The following CNTNAP2 variants were observed in gnomAD, a reference collection of about 807,000 sequenced individuals.
CNTNAP2 encodes contactin-associated protein-like 2.
Under a neutral mutation model 155.2 loss-of-function variants are expected in CNTNAP2, and 98 were observed. That is an observed-to-expected ratio of 0.63 (90% CI 0.54 to 0.75). The LOEUF is 0.75. CNTNAP2 is among the 30% of genes least tolerant of loss of function. The pLI is 0.00. For missense variants in CNTNAP2, 1,727 were observed against 1,688.1 expected (o/e 1.02, Z -0.40); for synonymous variants, 651 against 631.2 (o/e 1.03, Z -0.47).
intron 17 of CNTNAP2, among the ~76,000 whole-genome samples, chr7:148,158,506 C>G (rs562886143): frequency 6.6e-6 from 1 of 152,298 alleles, no homozygotes; most frequent in East Asian, 1.9e-4. Context: ...GAGGCATGAG[C>G]CACCAAGCCT....
chr7:147,960,655 A>T (rs1433930627), intron 14 of CNTNAP2, among the ~76,000 whole-genome samples: 3 of 152,194 alleles, frequency 2.0e-5, no homozygotes, highest in East Asian at 3.9e-4. Flanking sequence ...TATCCCAAGT[A>T]AGTTAAACAC....
At chr7:147,693,092 G>A (rs548022848) in intron 13 of CNTNAP2, among the ~76,000 whole-genome samples, 1 of 152,058 alleles carries the variant, frequency 6.6e-6, no homozygotes, top group South Asian at 2.1e-4. Flanking sequence ...AGTTGTTCCA[G>A]CCTCCTTTGT....
chr7:146,225,969 A>C (rs928617163), intron 1 of CNTNAP2, among the ~76,000 whole-genome samples: 3 of 152,164 alleles, frequency 2.0e-5, no homozygotes, highest in African/African-American at 7.2e-5. Context: ...TTGTTCTGAA[A>C]TCTATCCCAT....
At chr7:146,334,959 C>A (rs1026398494) in intron 1 of CNTNAP2, among the ~76,000 whole-genome samples, 2 of 152,310 alleles carry the variant, frequency 1.3e-5, no homozygotes, top group South Asian at 4.1e-4. Flanking sequence ...GATCACATCC[C>A]AAACTCCCTC....
chr7:146,359,805 C>T (rs948044697), intron 1 of CNTNAP2, among the ~76,000 whole-genome samples: 6 of 145,048 alleles, frequency 4.1e-5, no homozygotes, highest in African/African-American at 8.4e-5. Flanking sequence ...TGTGTGTGTG[C>T]GTGCGTGCGC....
intron 2 of CNTNAP2, among the ~76,000 whole-genome samples, chr7:146,837,262 T>C (rs948029029): frequency 6.6e-6 from 1 of 152,120 alleles, no homozygotes; most frequent in Non-Finnish European, 1.5e-5. Flanking sequence ...GCCTTGTTTT[T>C]CCTCTCTGAG....
At chr7:148,382,490 TCA>T (rs869170536) in intron 21 of CNTNAP2, among the ~76,000 whole-genome samples, 1 of 71,108 alleles carries the variant, frequency 1.4e-5, no homozygotes, top group Admixed American at 1.9e-4. Context: ...GGAGCGGGAG[TCA>T]CAAGTTTTCT....
At chr7:147,268,364 T>C (rs1191205267) in intron 8 of CNTNAP2, among the ~76,000 whole-genome samples, 1 of 152,180 alleles carries the variant, frequency 6.6e-6, no homozygotes, top group Non-Finnish European at 1.5e-5. Flanking sequence ...TCATGTCCTT[T>C]GCAGGAACAT....
At chr7:148,276,425 A>T (rs901837612) in intron 21 of CNTNAP2, among the ~76,000 whole-genome samples, 4 of 152,200 alleles carry the variant, frequency 2.6e-5, no homozygotes, top group African/African-American at 7.2e-5. Flanking sequence ...CCAAGGCAGG[A>T]GGAAGCCAGG....
At chr7:147,101,371 G>A (rs112461406) in intron 4 of CNTNAP2, among the ~76,000 whole-genome samples, 7 of 152,206 alleles carry the variant, frequency 4.6e-5, no homozygotes, top group Non-Finnish European at 1.0e-4. Flanking sequence ...GCCCCTTTTG[G>A]GAGGAGGAGC....
At chr7:146,268,986 A>C (rs569299107) in intron 1 of CNTNAP2, among the ~76,000 whole-genome samples, 4 of 152,296 alleles carry the variant, frequency 2.6e-5, no homozygotes, top group Admixed American at 1.3e-4. Context: ...CTAATGATCA[A>C]AGCCTTTGGC....
intron 13 of CNTNAP2, among the ~76,000 whole-genome samples, chr7:147,856,241 G>A (rs572544051): frequency 1.7e-4 from 26 of 152,008 alleles, no homozygotes; most frequent in Non-Finnish European, 3.2e-4. Flanking sequence ...TTCTAGTCTC[G>A]AGCATAAAAT....
chr7:146,957,130 G>A (rs1029583758), intron 3 of CNTNAP2, among the ~76,000 whole-genome samples: 24 of 152,042 alleles, frequency 1.6e-4, no homozygotes, highest in African/African-American at 5.3e-4. Flanking sequence ...AGATGGTATA[G>A]CCCCCTACAC....
intron 1 of CNTNAP2, among the ~76,000 whole-genome samples, chr7:146,593,966 T>C (rs1798821924): frequency 1.3e-5 from 2 of 152,182 alleles, no homozygotes; most frequent in South Asian, 4.1e-4. Flanking sequence ...CAATATCTAA[T>C]TGGGTTCCCC....
intron 14 of CNTNAP2, among the ~76,000 whole-genome samples, chr7:147,925,283 A>AGC (rs138137977): frequency 0.1 from 9,039 of 90,634 alleles, 436 homozygotes; most frequent in Non-Finnish European, 0.1. Context: ...AACACACACA[A>AGC]GCGCGCGCGC....
At chr7:147,272,638 A>G (rs967603428) in intron 8 of CNTNAP2, among the ~76,000 whole-genome samples, 1 of 150,418 alleles carries the variant, frequency 6.6e-6, no homozygotes, top group Non-Finnish European at 1.5e-5. Flanking sequence ...AGCTGGGACT[A>G]CAGGCGCCGC....
chr7:147,431,429 C>A (rs1421700222), intron 10 of CNTNAP2, among the ~76,000 whole-genome samples: 1 of 152,154 alleles, frequency 6.6e-6, no homozygotes, highest in Non-Finnish European at 1.5e-5. Context: ...CAAATCACTG[C>A]CATCAGCCTT....
intron 20 of CNTNAP2, among the ~76,000 whole-genome samples, chr7:148,247,818 T>C (rs1205521169): frequency 6.6e-6 from 1 of 151,686 alleles, no homozygotes; most frequent in Non-Finnish European, 1.5e-5. Context: ...CACGCCTGGC[T>C]AATTTTTGTA....
At chr7:146,782,673 G>A (rs938941460) in intron 2 of CNTNAP2, among the ~76,000 whole-genome samples, 3 of 152,136 alleles carry the variant, frequency 2.0e-5, no homozygotes, top group African/African-American at 7.2e-5. Flanking sequence ...AGTTACACAA[G>A]GATAATCCTG....
Sources: allele counts gnomAD v4.1 joint callset (sites outside exome capture counted in the v4.1 genomes callset), GRCh38; gene constraint gnomAD v4.1.1; transcripts MANE v1.5; gene names NCBI Gene and HGNC (gene_info 2026-07-23, HGNC 2026-07-21).